Variants in LANCL2 observed in about 807,000 individuals in gnomAD.
The protein encoded by LANCL2 is lanC-like protein 2.
In LANCL2, 33 loss-of-function variants were observed where a neutral mutation model predicts 56.9. The observed-to-expected ratio is 0.58, with a 90% CI of 0.44 to 0.78. The LOEUF is 0.78. Ranked by LOEUF, LANCL2 falls within the 30% of genes least tolerant of loss-of-function variation. The pLI is 0.00. For missense variants in LANCL2, 562 were observed against 580.2 expected, an observed-to-expected ratio of 0.97 and a Z score of 0.32; for synonymous variants, 233 against 228.2, an observed-to-expected ratio of 1.02 and a Z score of -0.19.
intron 7 of LANCL2, among the ~76,000 whole-genome samples, chr7:55,425,808 T>A (rs1379582364): frequency 6.6e-6 from 1 of 152,190 alleles, no homozygotes; most frequent in East Asian, 1.9e-4. Context: ...AGAACTGAGC[T>A]AATGTGCAGA....
intron 5 of LANCL2, among the ~76,000 whole-genome samples, chr7:55,402,616 C>A (rs1184751214): frequency 8.8e-6 from 1 of 114,042 alleles, no homozygotes; most frequent in African/African-American, 3.6e-5. Flanking sequence ...CCCCCCACCT[C>A]CCTCCCGGAT....
chr7:55,366,652 A>G (rs947675418), intron 1 of LANCL2, among the ~76,000 whole-genome samples: 12 of 152,012 alleles, frequency 7.9e-5, no homozygotes, highest in African/African-American at 2.9e-4. Flanking sequence ...TCTCGCCGAC[A>G]AAGAAGCATT....
At chr7:55,424,182 G>T (rs562807457) in intron 6 of LANCL2, among the ~76,000 whole-genome samples, 13 of 152,182 alleles carry the variant, frequency 8.5e-5, no homozygotes, top group South Asian at 2.1e-4. Flanking sequence ...CAGACTCTGA[G>T]AAAAGGATCA....
chr7:55,403,025 C>A (rs1409164021), intron 5 of LANCL2, among the ~76,000 whole-genome samples: 1 of 151,988 alleles, frequency 6.6e-6, no homozygotes, highest in African/African-American at 2.4e-5. Flanking sequence ...CTCCTCACTT[C>A]CCAGACGGGG....
At chr7:55,392,520 T>C (rs1333191082) in intron 2 of LANCL2, among the ~76,000 whole-genome samples, 1 of 143,032 alleles carries the variant, frequency 7.0e-6, no homozygotes, top group Non-Finnish European at 1.5e-5. Flanking sequence ...CTGGCTAATT[T>C]TTTGATTTTT....
intron 2 of LANCL2, among the ~76,000 whole-genome samples, chr7:55,397,610 G>A (rs1378233548): frequency 1.4e-5 from 2 of 146,658 alleles, no homozygotes; most frequent in African/African-American, 5.0e-5. Context: ...CTCTGTCAAT[G>A]TTGGTTCCTA....
At chr7:55,378,532 A>G (rs1790028846) in intron 1 of LANCL2, among the ~76,000 whole-genome samples, 1 of 99,604 alleles carries the variant, frequency 1.0e-5, no homozygotes, top group East Asian at 2.1e-4. Flanking sequence ...ATATATGTAT[A>G]CGTGTGTGTG....
At position 55,366,240 on chromosome 7, in the gene LANCL2, G is replaced by A. The variant is rs1020641109; in HGVS notation, c.204+11G>A. On this transcript the variant is annotated intron_variant, in intron 1 of 8. Coordinates refer to ENST00000254770, the MANE Select transcript of LANCL2 (RefSeq NM_018697.4). ...CATCAGGACGGGAAGGTGAGTCGGC[G>A]GCCTGGCCGCAGAGGCGCCGGAGGG... is the stretch of plus-strand genomic sequence containing the variant. 3.0e-5 allele frequency: 45 copies of A among 1,482,606 alleles called. No individual in the cohort carries two copies. In the Admixed American group the frequency reaches 7.1e-4, roughly 23 times the overall value. The allele number at this position is 1,482,606 out of a possible 1,614,324, so 91.8% of individuals were successfully genotyped here.
chr7:55,392,441 C>T (rs1259942551), intron 2 of LANCL2, among the ~76,000 whole-genome samples: 1 of 150,818 alleles, frequency 6.6e-6, no homozygotes, highest in East Asian at 1.9e-4. Context: ...GCCTTGACCT[C>T]CTGGGCTCAA....
At position 55,365,844 on chromosome 7, in the gene LANCL2, T is replaced by A; in HGVS notation, c.-182T>A. ...GCCCACCGCCTCTGCGGCCGCCTGA[T>A]GTGCGAGCAGCCCGCGACGAGGCAG... On this transcript the variant is annotated 5_prime_UTR_variant, in exon 1 of 9. The change abolishes an upstream ATG in the 5' untranslated region. Transcript: ENST00000254770. 1 of 466,126 alleles carries A rather than the reference T, an allele frequency of 2.1e-6. No individual in the cohort carries two copies. The highest frequency in any genetic ancestry group is 3.9e-5 in the South Asian group (1 of 25,346). The allele number at this position is 466,126 out of a possible 1,614,324, so 28.9% of individuals were successfully genotyped here. A position where few individuals can be genotyped will look rare whatever the true frequency, so the allele number is the denominator to read the frequency against.
chr7:55,371,573 T>C (rs1049231190), intron 1 of LANCL2, among the ~76,000 whole-genome samples: 1 of 152,206 alleles, frequency 6.6e-6, no homozygotes, highest in Non-Finnish European at 1.5e-5. Flanking sequence ...TTTTGTGCCA[T>C]GAGCTTTTGG....
chr7:55,406,727 T>C (rs551128238), intron 5 of LANCL2, among the ~76,000 whole-genome samples: 125 of 152,284 alleles, frequency 8.2e-4, no homozygotes, highest in African/African-American at 2.9e-3. Flanking sequence ...AAATATCACT[T>C]AAAAAGAACT....
chr7:55,386,210 A>T (rs1790124045), intron 1 of LANCL2, among the ~76,000 whole-genome samples: 1 of 152,344 alleles, frequency 6.6e-6, no homozygotes, highest in South Asian at 2.1e-4. Flanking sequence ...GGATTAAGAG[A>T]TTAAAGCAAA....
At chr7:55,383,419 T>C (rs1790090346) in intron 1 of LANCL2, among the ~76,000 whole-genome samples, 1 of 152,148 alleles carries the variant, frequency 6.6e-6, no homozygotes, top group East Asian at 1.9e-4. Flanking sequence ...GTCATTCACA[T>C]AGCCCTCAAA....
At chr7:55,429,677 C>T in intron 8 of LANCL2, among the ~76,000 whole-genome samples, 1 of 152,204 alleles carries the variant, frequency 6.6e-6, no homozygotes, top group East Asian at 1.9e-4. Context: ...TCCTCTATGT[C>T]ATAAAAATGC....
At chr7:55,367,367 G>C (rs1261943340) in intron 1 of LANCL2, among the ~76,000 whole-genome samples, 3 of 152,298 alleles carry the variant, frequency 2.0e-5, no homozygotes, top group South Asian at 4.1e-4. Context: ...AAGAGCCATT[G>C]GTCTGAATAT....
At chr7:55,429,468 GT>G (rs536741994) in intron 8 of LANCL2, among the ~76,000 whole-genome samples, 184 of 152,294 alleles carry the variant, frequency 1.2e-3, no homozygotes, top group African/African-American at 4.3e-3. Flanking sequence ...TAAGCTATTG[GT>G]ATTCCTTATC....
intron 2 of LANCL2, among the ~76,000 whole-genome samples, chr7:55,394,737 C>G (rs1327419525): frequency 1.4e-5 from 2 of 138,056 alleles, no homozygotes; most frequent in East Asian, 5.2e-4. Context: ...ATCACTCCGA[C>G]CCCACCCACC....
intron 5 of LANCL2, among the ~76,000 whole-genome samples, chr7:55,410,883 A>G (rs537592894): frequency 6.6e-6 from 1 of 152,182 alleles, no homozygotes; most frequent in South Asian, 2.1e-4. Flanking sequence ...TGTCACCCTA[A>G]AGATGTGAGG....
Sources: allele counts gnomAD v4.1 joint callset (sites outside exome capture counted in the v4.1 genomes callset), GRCh38; gene constraint gnomAD v4.1.1; transcripts MANE v1.5; gene names NCBI Gene and HGNC (gene_info 2026-07-23, HGNC 2026-07-21).